CFAP251: variants seen among roughly 807,000 people sequenced by gnomAD.
CFAP251 encodes cilia- and flagella-associated protein 251.
CFAP251 carries 93 observed loss-of-function variants against 126.7 expected under a neutral mutation model. That is an observed-to-expected ratio of 0.73 (90% CI 0.62 to 0.87). CFAP251 has a LOEUF of 0.87. CFAP251 is among the 40% of genes least tolerant of loss of function. The pLI, the probability that CFAP251 is intolerant of heterozygous loss-of-function variation, is 0.00. For synonymous variants in CFAP251, 503 were observed against 506.9 expected, an observed-to-expected ratio of 0.99 and a Z score of 0.10; for missense variants, 1,287 against 1,389.2, an observed-to-expected ratio of 0.93 and a Z score of 1.17.
chr12:121,944,002 G>C (rs1222984936), intron 7 of CFAP251, among the ~76,000 whole-genome samples: 1 of 152,116 alleles, frequency 6.6e-6, no homozygotes, highest in South Asian at 2.1e-4. Flanking sequence ...TAACTCTGAG[G>C]AGTATAGGGA....
chr12:121,975,756 T>C, intron 19 of CFAP251, 71 bp downstream of exon 19: 1 of 1,490,666 alleles, frequency 6.7e-7, no homozygotes, highest in Non-Finnish European at 8.9e-7. Context: ...GGAACAATCA[T>C]TATAGGTCAA....
chr12:121,991,333 C>T (rs534361595), intron 19 of CFAP251, among the ~76,000 whole-genome samples: 4 of 152,342 alleles, frequency 2.6e-5, no homozygotes, highest in African/African-American at 9.6e-5. Context: ...GCGTGCACCG[C>T]AGCTGCCACC....
At chr12:121,961,698 G>GC (rs1177511522) in intron 14 of CFAP251, among the ~76,000 whole-genome samples, 2 of 152,224 alleles carry the variant, frequency 1.3e-5, no homozygotes, top group Non-Finnish European at 2.9e-5. Flanking sequence ...TGTAAAATGG[G>GC]CAGAACAGTA....
At chr12:121,967,807 G>T (rs1266402147) in intron 16 of CFAP251, among the ~76,000 whole-genome samples, 199 bp from the exon 17 acceptor site, 2 of 152,234 alleles carry the variant, frequency 1.3e-5, no homozygotes, top group Admixed American at 6.5e-5. Flanking sequence ...GTACCTGTTA[G>T]AGCTGTGCAA....
chr12:121,951,679 C>A, intron 9 of CFAP251, 149 bp downstream of exon 9: 1 of 527,800 alleles, frequency 1.9e-6, no homozygotes, highest in East Asian at 2.9e-5. Context: ...GTCCTGTATA[C>A]ATATTGAATT....
intron 19 of CFAP251, among the ~76,000 whole-genome samples, chr12:121,992,763 TAGAGAC>T (rs1470186095): frequency 6.6e-6 from 1 of 151,920 alleles, no homozygotes; most frequent in Non-Finnish European, 1.5e-5. Flanking sequence ...GTCTTTTTTG[TAGAGAC>T]AGGATTTCAC....
At chr12:121,937,290 A>G (rs1880934004) in intron 5 of CFAP251, among the ~76,000 whole-genome samples, 1 of 152,074 alleles carries the variant, frequency 6.6e-6, no homozygotes. Flanking sequence ...CTCTGCCGCC[A>G]TCTTCCCATG....
intron 10 of CFAP251, among the ~76,000 whole-genome samples, chr12:121,956,331 G>A (rs1442092667): frequency 6.6e-6 from 1 of 152,110 alleles, no homozygotes; most frequent in Non-Finnish European, 1.5e-5. Context: ...ATTGCGTATG[G>A]CTGATCTTGG....
Position 121,975,243 on chromosome 12 carries a change from G to C in CFAP251, c.2772-1G>C. 1 of 1,613,818 alleles carries C rather than the reference G, an allele frequency of 6.2e-7. No individual in the cohort carries two copies. The highest frequency in any genetic ancestry group is 8.5e-7 in the Non-Finnish European group (1 of 1,179,874). Reference sequence around the variant, plus strand: ...TAGAGACATTTCTGTTGTTGTTCCAGTGTCCTGGAGGCAGCGGTTTCTCTT... The same window carrying C: ...TAGAGACATTTCTGTTGTTGTTCCACTGTCCTGGAGGCAGCGGTTTCTCTT... On this transcript the variant is annotated splice_acceptor_variant, in intron 17 of 21. Transcript: ENST00000288912. LOFTEE classifies it high-confidence loss of function.
In CFAP251 at chr12:121,942,938, C is replaced by T. The variant is rs1565907443; in HGVS notation, c.1154C>T (p.Ala385Val). The T allele has an allele frequency of 6.2e-7, 1 of 1,614,182 alleles. No homozygotes were observed. ...TGGACTTTGGCAGTGGAAACGCCAG[C>T]ATGCACTCTCGAACTCCCCACAGAG... ...WKWTLAVETPACTLELPTEYG... is the reference protein window; with the variant it reads ...WKWTLAVETPVCTLELPTEYG... Residue 385 changes from alanine (A) to valine (V), a missense_variant, in exon 7 of 22, where the codon GCA (alanine) becomes GTA (valine). Ala to Val is a moderately conservative substitution (Grantham distance 64). Transcript: ENST00000288912.
chr12:121,931,935 C>T (rs372743453), intron 4 of CFAP251, 49 bp downstream of exon 4: 195 of 1,420,324 alleles, frequency 1.4e-4, no homozygotes, highest in Middle Eastern at 1.9e-4. Context: ...CTTTAACGTG[C>T]GTGTGGTATT....
intron 15 of CFAP251, among the ~76,000 whole-genome samples, chr12:121,964,574 A>C (rs1466163591): frequency 6.6e-6 from 1 of 152,230 alleles, no homozygotes; most frequent in Non-Finnish European, 1.5e-5. Context: ...AATTTTTATC[A>C]AGGTGATACT....
At chr12:121,926,160 C>T (rs574864526) in intron 3 of CFAP251, among the ~76,000 whole-genome samples, 187 of 151,758 alleles carry the variant, frequency 1.2e-3, no homozygotes, top group African/African-American at 4.3e-3. Flanking sequence ...CCACCATGCC[C>T]GGCCTTTTTT....
rs570423548 is a variant in CFAP251 at position 121,926,734 on chromosome 12, C to T, written c.747+2744C>T. ...CCAAGGTGGGTGGATCACCTGAGGT[C>T]AGGAGTTCAAGACCAGCCTGATCAA... On this transcript the variant is annotated intron_variant, in intron 3 of 21. Coordinates refer to ENST00000288912, the MANE Select transcript of CFAP251 (RefSeq NM_144668.6). 6.8e-4 allele frequency among the ~76,000 whole-genome samples: 104 copies of T among 152,232 alleles called. 1 individual carries two copies. Among genetic ancestry groups the T allele is most frequent in the African/African-American group, 2.4e-3 (99 of 41,562 alleles).
Position 121,944,907 on chromosome 12 carries a change from T to A in CFAP251, c.1191+1932T>A, listed in dbSNP as rs972534183. ...AAGCAGTCCTCCTACCTTAGCCTCCTGAGTAGCTGGGACTACAGGTGCACA... is the reference window on the plus strand; with the variant it reads ...AAGCAGTCCTCCTACCTTAGCCTCCAGAGTAGCTGGGACTACAGGTGCACA... On this transcript the variant is annotated intron_variant, in intron 7 of 21. Coordinates refer to ENST00000288912, the MANE Select transcript of CFAP251 (RefSeq NM_144668.6). Among the ~76,000 whole-genome samples, 2 of 152,094 alleles carry A rather than the reference T, an allele frequency of 1.3e-5. 1 individual carries two copies. The highest frequency in any genetic ancestry group is 2.9e-5 in the Non-Finnish European group (2 of 67,988).
intron 2 of CFAP251, among the ~76,000 whole-genome samples, chr12:121,922,426 G>A (rs1336443860): frequency 2.0e-5 from 3 of 152,156 alleles, no homozygotes; most frequent in Non-Finnish European, 4.4e-5. Flanking sequence ...GAGCTCTAAG[G>A]TGTGTAGGGA....
chr12:121,947,569 A>G (rs1369446536), intron 7 of CFAP251: 1 of 152,106 alleles, frequency 6.6e-6, no homozygotes, highest in African/African-American at 2.4e-5. Flanking sequence ...GATTCCAGGC[A>G]TACACCACAG....
chr12:121,981,308 C>CAA (rs11375775), intron 19 of CFAP251, among the ~76,000 whole-genome samples: 2 of 150,156 alleles, frequency 1.3e-5, no homozygotes, highest in African/African-American at 2.5e-5. Flanking sequence ...CCTGTCTCTA[C>CAA]AAAAAATAAA....
At chr12:121,924,933 C>T (rs1015506530) in intron 3 of CFAP251, among the ~76,000 whole-genome samples, 1 of 151,966 alleles carries the variant, frequency 6.6e-6, no homozygotes, top group African/African-American at 2.4e-5. Context: ...CCTCCTCCCC[C>T]TTTCCTTCCC....
Sources: gnomAD v4.1 joint callset for allele counts (sites outside exome capture counted in the v4.1 genomes callset) on GRCh38, gnomAD v4.1.1 for gene constraint, MANE v1.5 for transcripts, NCBI Gene and HGNC (gene_info 2026-07-23, HGNC 2026-07-21) for gene names.